DLG2: variants seen among roughly 807,000 people sequenced by gnomAD.
DLG2 encodes disks large homolog 2.
A neutral mutation model predicts 132.5 loss-of-function variants in DLG2; 45 were observed. The ratio of observed to expected loss-of-function variants is 0.34; its 90% CI spans 0.27 to 0.44. DLG2 has a LOEUF of 0.44. Among genes scored for constraint, DLG2 ranks in the 20% least tolerant of loss-of-function variants. DLG2 has a pLI of 1.00. For synonymous variants in DLG2, 424 were observed against 419.6 expected (o/e 1.01, Z -0.13); for missense variants, 1,045 against 1,196.9 (o/e 0.87, Z 1.87).
chr11:83,509,340 T>C (rs2094891352), intron 21 of DLG2, among the ~76,000 whole-genome samples: 1 of 152,220 alleles, frequency 6.6e-6, no homozygotes, highest in South Asian at 2.1e-4. Flanking sequence ...TCACCACTTG[T>C]AATGAGGCTC....
intron 3 of DLG2, among the ~76,000 whole-genome samples, chr11:85,567,941 T>C (rs1008225934): frequency 6.6e-6 from 1 of 152,128 alleles, no homozygotes; most frequent in Non-Finnish European, 1.5e-5. Flanking sequence ...GGTTTTCACA[T>C]TGTAAACCAT....
At chr11:85,240,713 C>A (rs1325026045) in intron 4 of DLG2, among the ~76,000 whole-genome samples, 1 of 151,862 alleles carries the variant, frequency 6.6e-6, no homozygotes, top group South Asian at 2.1e-4. Flanking sequence ...ACATTTCACA[C>A]ACATAAGTTT....
chr11:84,805,917 T>C (rs1279687487), intron 6 of DLG2, among the ~76,000 whole-genome samples: 2 of 152,188 alleles, frequency 1.3e-5, no homozygotes, highest in Non-Finnish European at 2.9e-5. Flanking sequence ...CAAAGAGCAA[T>C]TTTGAACATA....
intron 24 of DLG2, among the ~76,000 whole-genome samples, chr11:83,470,847 T>G (rs1468495250): frequency 6.6e-6 from 1 of 152,116 alleles, no homozygotes; most frequent in African/African-American, 2.4e-5. Context: ...AAGAGAAATA[T>G]TTGTTGGTAT....
At chr11:84,698,691 A>G (rs535364147) in intron 6 of DLG2, among the ~76,000 whole-genome samples, 39 of 151,556 alleles carry the variant, frequency 2.6e-4, no homozygotes, top group Non-Finnish European at 5.5e-4. Context: ...GAAATAAGAT[A>G]CCTGAAATTA....
intron 11 of DLG2, among the ~76,000 whole-genome samples, chr11:84,038,886 T>C (rs1043170557): frequency 6.6e-6 from 1 of 151,980 alleles, no homozygotes; most frequent in Non-Finnish European, 1.5e-5. Context: ...GAAAAACCCC[T>C]TATAAAACCA....
At chr11:84,872,155 A>G (rs917276300) in intron 6 of DLG2, among the ~76,000 whole-genome samples, 6 of 152,174 alleles carry the variant, frequency 3.9e-5, no homozygotes, top group African/African-American at 1.4e-4. Flanking sequence ...ATGCTGGGAA[A>G]TAATGCTACT....
intron 18 of DLG2, among the ~76,000 whole-genome samples, chr11:83,699,442 A>G (rs934518502): frequency 6.6e-6 from 1 of 152,006 alleles, no homozygotes; most frequent in Non-Finnish European, 1.5e-5. Flanking sequence ...CACGCCTGTA[A>G]TCGCAGCACT....
chr11:83,713,008 A>AT (rs1278870751), intron 18 of DLG2, among the ~76,000 whole-genome samples: 23 of 152,252 alleles, frequency 1.5e-4, no homozygotes, highest in African/African-American at 3.4e-4. Flanking sequence ...AAAAAAATTT[A>AT]TTTTTTTACT....
intron 6 of DLG2, among the ~76,000 whole-genome samples, chr11:85,000,974 A>G (rs2058152854): frequency 6.6e-6 from 1 of 152,162 alleles, no homozygotes; most frequent in African/African-American, 2.4e-5. Context: ...TATTGAGAAT[A>G]GTTCCAAGGC....
intron 2 of DLG2, among the ~76,000 whole-genome samples, chr11:85,617,232 C>A (rs1169739774): frequency 6.6e-6 from 1 of 152,186 alleles, no homozygotes; most frequent in Non-Finnish European, 1.5e-5. Flanking sequence ...CATGTCACTG[C>A]TATCGATGAT....
intron 18 of DLG2, among the ~76,000 whole-genome samples, chr11:83,761,478 T>C (rs1262475200): frequency 6.6e-6 from 1 of 152,388 alleles, no homozygotes; most frequent in East Asian, 1.9e-4. Context: ...TTATATTGAA[T>C]AATGATAGTC....
At chr11:84,700,395 T>A (rs1309299630) in intron 6 of DLG2, among the ~76,000 whole-genome samples, 1 of 151,470 alleles carries the variant, frequency 6.6e-6, no homozygotes, top group Non-Finnish European at 1.5e-5. Context: ...CATGTAAAAA[T>A]TGATGTGTAT....
At chr11:84,419,547 C>T (rs1300246095) in intron 7 of DLG2, among the ~76,000 whole-genome samples, 1 of 152,030 alleles carries the variant, frequency 6.6e-6, no homozygotes, top group Non-Finnish European at 1.5e-5. Context: ...TGAGAAATGC[C>T]GATAATTTTA....
Position 83,930,249 on chromosome 11 carries a change from C to A in DLG2, c.1496+79G>T, listed in dbSNP as rs1361717958. ...AGATGTTTAGTGCAAGAGAAGTGAG[C>A]AGAGGCGGATTCTACCCATTTATCC... On this transcript the variant is annotated intron_variant, in intron 15 of 27. Coordinates refer to ENST00000376104, the MANE Select transcript of DLG2 (RefSeq NM_001142699.3). 1.3e-5 allele frequency: 19 copies of A among 1,505,014 alleles called. No homozygotes were observed. In the South Asian group the frequency reaches 2.2e-4, roughly 17 times the overall value. The allele number at this position is 1,505,014 out of a possible 1,614,324, so 93.2% of individuals were successfully genotyped here.
At chr11:83,852,759 C>A (rs1029799144) in intron 16 of DLG2, among the ~76,000 whole-genome samples, 1 of 152,156 alleles carries the variant, frequency 6.6e-6, no homozygotes, top group African/African-American at 2.4e-5. Flanking sequence ...CTAGGGGAGG[C>A]TTTACATAAC....
chr11:84,461,783 G>T (rs1034484975), intron 7 of DLG2, among the ~76,000 whole-genome samples: 8 of 150,760 alleles, frequency 5.3e-5, no homozygotes, highest in African/African-American at 1.9e-4. Flanking sequence ...GGAGAAAGGT[G>T]CCAGTTTATA....
At chr11:84,481,093 CAAAAG>C (rs886853139) in intron 7 of DLG2, among the ~76,000 whole-genome samples, 5 of 151,856 alleles carry the variant, frequency 3.3e-5, no homozygotes, top group African/African-American at 1.2e-4. Context: ...AATTGAGACT[CAAAAG>C]AGATAATATA....
intron 6 of DLG2, among the ~76,000 whole-genome samples, chr11:84,756,464 TG>T (rs2066887801): frequency 6.6e-6 from 1 of 152,188 alleles, no homozygotes; most frequent in Non-Finnish European, 1.5e-5. Context: ...AGAGAAAAAC[TG>T]TAAGCAAACA....
Sources: allele counts gnomAD v4.1 joint callset (sites outside exome capture counted in the v4.1 genomes callset), GRCh38; gene constraint gnomAD v4.1.1; transcripts MANE v1.5; gene names NCBI Gene and HGNC (gene_info 2026-07-23, HGNC 2026-07-21).